USP9X: variants seen among roughly 807,000 people sequenced by gnomAD.
USP9X encodes ubiquitin carboxyl-terminal hydrolase 9X.
In USP9X, 7 loss-of-function variants were observed where a neutral mutation model predicts 190.3. The observed-to-expected ratio is 0.04, with a 90% CI of 0.02 to 0.07. The LOEUF is 0.07. Ranked by LOEUF, USP9X falls within the 10% of genes least tolerant of loss-of-function variation. The pLI is 1.00. For missense variants in USP9X, 1,010 were observed against 1,916.9 expected (o/e 0.53, Z 8.83); for synonymous variants, 645 against 659.5 (o/e 0.98, Z 0.34).
chrX:41,159,757 C>T (rs915552799), intron 14 of USP9X, among the ~76,000 whole-genome samples: 6 of 111,053 alleles, frequency 5.4e-5, no homozygotes, highest in African/African-American at 1.3e-4. Flanking sequence ...CTCCTGCCCT[C>T]AGATGATCAG....
intron 21 of USP9X, among the ~76,000 whole-genome samples, chrX:41,182,229 G>T (rs1289314281): frequency 9.0e-6 from 1 of 111,191 alleles, no homozygotes; most frequent in Admixed American, 9.5e-5. Flanking sequence ...GCAAAAATTA[G>T]CTGGGCATGG....
intron 21 of USP9X, among the ~76,000 whole-genome samples, chrX:41,181,270 T>C (rs2062822232): frequency 1.1e-5 from 1 of 94,901 alleles, no homozygotes; most frequent in African/African-American, 3.9e-5. Context: ...TATTTCTCAT[T>C]TCTTTTTTTT....
At position 41,137,947 on chromosome X, in the gene USP9X, T is replaced by G. The variant is rs186223845; in HGVS notation, c.654+925T>G. 1.4e-3 allele frequency among the ~76,000 whole-genome samples: 161 copies of G among 111,352 alleles called. 1 individual carries two copies. In the Middle Eastern group the frequency reaches 0.046, roughly 32 times the overall value. ...AGATTCACAGGGCACAAAACTTGATTTAACATGGCTAAATGTAAAATTTTT... is the reference window on the plus strand; with the variant it reads ...AGATTCACAGGGCACAAAACTTGATGTAACATGGCTAAATGTAAAATTTTT... On this transcript the variant is annotated intron_variant, in intron 6 of 44. Transcript: ENST00000378308.
intron 1 of USP9X, among the ~76,000 whole-genome samples, chrX:41,111,977 C>G (rs1375815111): frequency 9.1e-6 from 1 of 109,942 alleles, no homozygotes. Flanking sequence ...TCCCTAGTAG[C>G]TGGGACTACA....
intron 36 of USP9X, 121 bp from the exon 37 acceptor site, chrX:41,218,251 G>A: frequency 1.5e-6 from 1 of 653,780 alleles, no homozygotes; most frequent in East Asian, 3.4e-5. Flanking sequence ...ACCTTTGCTG[G>A]TTCTCTCCAG....
chrX:41,217,376 C>T, intron 36 of USP9X, 33 bp downstream of exon 36: 13 of 1,168,445 alleles, frequency 1.1e-5, no homozygotes, highest in South Asian at 2.0e-5. Flanking sequence ...TCCTATTATA[C>T]TAATGTTTGG....
chrX:41,188,002 A>G lies in USP9X; in HGVS notation c.3695A>G (p.Tyr1232Cys). The change falls in exon 25 of 45, where the codon TAT (tyrosine) becomes TGT (cysteine). Residue 1232 changes from tyrosine to cysteine, a missense_variant. Physicochemically the swap from Tyr to Cys is radical, Grantham distance 194. Transcript: ENST00000378308. Reference protein sequence around the residue: ...AQQISDEASRYMPDICVIRAI... With the variant: ...AQQISDEASRCMPDICVIRAI... Reference sequence around the variant, plus strand: ...CTCGTTATCTTGCAGGCTTCAAGATATATGCCTGATATTTGTGTAATTAGA... The same window carrying G: ...CTCGTTATCTTGCAGGCTTCAAGATGTATGCCTGATATTTGTGTAATTAGA... 2.5e-6 allele frequency: 3 copies of G among 1,208,069 alleles called. No homozygotes were observed. The highest frequency in any genetic ancestry group is 3.4e-6 in the Non-Finnish European group (3 of 892,962).
At chrX:41,145,403 G>C (rs950675312) in intron 11 of USP9X, among the ~76,000 whole-genome samples, 8 of 111,920 alleles carry the variant, frequency 7.1e-5, no homozygotes, top group African/African-American at 2.3e-4. Context: ...CAGGATACGT[G>C]TTCAGCAACA....
In USP9X at chrX:41,129,042, C is replaced by G; in HGVS notation, c.139C>G (p.Pro47Ala). The change falls in exon 3 of 45, where the codon CCC (proline) becomes GCC (alanine). Residue 47 changes from proline (P) to alanine (A), a missense_variant. Physicochemically the swap from Pro to Ala is conservative, Grantham distance 27. Around this residue, in one of 11 missense-constraint regions of USP9X, gnomAD observed 176 missense variants for 247.5 expected, o/e 0.71. Transcript: ENST00000378308. Reference sequence around the variant, plus strand: ...TTCCAATGAAAATTCCCCGGCAACTCCCCCAGATGAGCAAGGTCAAGGTGA... The same window carrying G: ...TTCCAATGAAAATTCCCCGGCAACTGCCCCAGATGAGCAAGGTCAAGGTGA... ...DSSNENSPATPPDEQGQGDAP... is the reference protein window; with the variant it reads ...DSSNENSPATAPDEQGQGDAP... 1 of 1,210,124 alleles carries G rather than the reference C, an allele frequency of 8.3e-7. No homozygotes were observed.
intron 41 of USP9X, chrX:41,229,021 G>A (rs562542004): frequency 6.9e-5 from 17 of 245,261 alleles, no homozygotes; most frequent in East Asian, 2.8e-4. Flanking sequence ...GGAGAGAGGC[G>A]TGAACCTGGG....
At chrX:41,118,122 G>A in intron 1 of USP9X, among the ~76,000 whole-genome samples, 1 of 112,188 alleles carries the variant, frequency 8.9e-6, no homozygotes, top group Non-Finnish European at 1.9e-5. Flanking sequence ...CTCCCAAAGT[G>A]CTGGGATTAC....
At chrX:41,128,903 T>C in intron 2 of USP9X, 97 bp from the exon 3 acceptor site, 1 of 971,737 alleles carries the variant, frequency 1.0e-6, no homozygotes. Flanking sequence ...ATTTACAAAA[T>C]TTTTAAATCT....
chrX:41,148,401 T>A lies in USP9X; in HGVS notation c.1452T>A (p.Arg484=). Residue 484 remains arginine (R), a synonymous_variant, in exon 12 of 45, where the codon CGT becomes CGA. Transcript: ENST00000378308. ...ASWTNASKKQ[R]EKLLELIRRL... is the part of the protein sequence containing the mutation. ...GGACAAATGCGAGTAAAAAGCAACG[T>A]GAAAAGCTACTTGAGCTGATACGTC... The A allele has an allele frequency of 8.3e-7, 1 of 1,211,867 alleles. No individual in the cohort carries two copies. Among genetic ancestry groups the A allele is most frequent in the South Asian group, 1.8e-5 (1 of 56,986 alleles).
At chrX:41,227,344 C>T (rs1038657961) in intron 41 of USP9X, among the ~76,000 whole-genome samples, 4 of 111,501 alleles carry the variant, frequency 3.6e-5, no homozygotes, top group Admixed American at 9.5e-5. Flanking sequence ...TTCATTGTTA[C>T]TTGAAAAAAC....
At chrX:41,214,812 T>C (rs2063197904) in intron 34 of USP9X, 103 bp downstream of exon 34, 1 of 879,018 alleles carries the variant, frequency 1.1e-6, no homozygotes, top group Admixed American at 3.6e-5. Context: ...TTTTATTTTC[T>C]CCTACTTTGG....
chrX:41,091,760 G>A (rs1006561324), intron 1 of USP9X, among the ~76,000 whole-genome samples: 2 of 111,590 alleles, frequency 1.8e-5, no homozygotes, highest in African/African-American at 6.5e-5. Context: ...GAGGTGAAAG[G>A]TGAAGTAACT....
chrX:41,131,637 A>G, intron 4 of USP9X, 101 bp downstream of exon 4: 2 of 709,635 alleles, frequency 2.8e-6, no homozygotes, highest in Non-Finnish European at 4.1e-6. Context: ...CTCCATCATA[A>G]ACACATACTG....
In USP9X at chrX:41,170,475, T is replaced by C. The variant is rs34739511; in HGVS notation, c.2883T>C (p.Ile961=). The change falls in exon 20 of 45, where the codon ATT becomes ATC. Residue 961 remains isoleucine, a synonymous_variant. Coordinates refer to ENST00000378308, the MANE Select transcript of USP9X (RefSeq NM_001039591.3). ...GQLNLKDKSL[I]TAKLTQISSN... The stretch of plus-strand genomic sequence containing the variant: ...ACATAGTATATAATTTTCAGCTTAT[T>C]ACAGCCAAACTTACACAGATAAGTT... 4.0e-5 allele frequency: 48 copies of C among 1,207,334 alleles called. No individual in the cohort carries two copies. The highest frequency in any genetic ancestry group is 5.4e-5 in the Non-Finnish European group (48 of 893,905).
intron 30 of USP9X, among the ~76,000 whole-genome samples, chrX:41,199,260 A>G (rs964521001): frequency 1.8e-5 from 2 of 112,474 alleles, no homozygotes; most frequent in Non-Finnish European, 3.8e-5. Context: ...ATAGAAAAAA[A>G]TTCAAACATT....
Sources: allele counts gnomAD v4.1 joint callset (sites outside exome capture counted in the v4.1 genomes callset), GRCh38; gene constraint gnomAD v4.1.1; regional missense constraint gnomAD v4.1.1; transcripts MANE v1.5; gene names NCBI Gene and HGNC (gene_info 2026-07-23, HGNC 2026-07-21).